The following ANKRD30A variants were observed in gnomAD, a reference collection of about 807,000 sequenced individuals.
ANKRD30A encodes ankyrin repeat domain 30A, also known as ankyrin repeat domain-containing protein 30A.
ANKRD30A carries 170 observed loss-of-function variants against 166.3 expected under a neutral mutation model. That is an observed-to-expected ratio of 1.02 (90% confidence interval 0.90 to 1.16). ANKRD30A has a LOEUF of 1.16. Among genes scored for constraint, ANKRD30A ranks in the 50% most tolerant of loss-of-function variants. The pLI, the probability that ANKRD30A is intolerant of heterozygous loss-of-function variation, is 0.00. For missense variants in ANKRD30A, 1,630 were observed against 1,518.0 expected (o/e 1.07, Z -1.23); for synonymous variants, 564 against 508.9 (o/e 1.11, Z -1.46).
At chr10:37,246,740 G>T in the ANKRD30A span, among the ~76,000 whole-genome samples, 1 of 152,290 alleles carries the variant, frequency 6.6e-6, no homozygotes, top group African/African-American at 2.4e-5. Context: ...TGGTTCTAGA[G>T]AAGGATTTTC....
At chr10:37,191,912 G>GT (rs1484610232) in intron 25 of ANKRD30A, among the ~76,000 whole-genome samples, 1 of 152,020 alleles carries the variant, frequency 6.6e-6, no homozygotes, top group Non-Finnish European at 1.5e-5. Context: ...AAAGAATGGC[G>GT]TGAACCCGCG....
chr10:37,198,833 G>A (rs1026615250), intron 29 of ANKRD30A, among the ~76,000 whole-genome samples: 4 of 152,164 alleles, frequency 2.6e-5, no homozygotes, highest in East Asian at 1.9e-4. Flanking sequence ...AGTTTTAGTT[G>A]TGCATGTTTG....
At chr10:37,137,517 C>T (rs1017076551) in intron 6 of ANKRD30A, among the ~76,000 whole-genome samples, 2 of 152,200 alleles carry the variant, frequency 1.3e-5, no homozygotes, top group African/African-American at 4.8e-5. Context: ...AATCGGGTCA[C>T]TCCCACCTTA....
chr10:37,127,479 G>A (rs1439222123), intron 1 of ANKRD30A, among the ~76,000 whole-genome samples: 1 of 152,096 alleles, frequency 6.6e-6, no homozygotes, highest in Non-Finnish European at 1.5e-5. Context: ...ATAAAGGGCA[G>A]CATACTTGTA....
intron 1 of ANKRD30A, among the ~76,000 whole-genome samples, chr10:37,127,863 TA>T (rs1370930112): frequency 6.6e-6 from 1 of 152,086 alleles, no homozygotes; most frequent in East Asian, 1.9e-4. Context: ...GTACCATATT[TA>T]AAAAATTGTA....
chr10:37,222,272 C>G (rs931728820), intron 34 of ANKRD30A, among the ~76,000 whole-genome samples: 1 of 151,314 alleles, frequency 6.6e-6, no homozygotes, highest in Admixed American at 6.6e-5. Flanking sequence ...TGTTTCTTCA[C>G]CTTCCCCAGT....
intron 9 of ANKRD30A, among the ~76,000 whole-genome samples, chr10:37,149,257 A>G (rs1837732440): frequency 6.6e-6 from 1 of 152,038 alleles, no homozygotes; most frequent in African/African-American, 2.4e-5. Flanking sequence ...CTGAACTCTC[A>G]TCATAACTAT....
chr10:37,144,066 C>T (rs539100061), intron 7 of ANKRD30A, among the ~76,000 whole-genome samples: 1 of 152,080 alleles, frequency 6.6e-6, no homozygotes, highest in East Asian at 1.9e-4. Context: ...ATTTTGATTT[C>T]TTTTACTGAA....
intron 17 of ANKRD30A, among the ~76,000 whole-genome samples, chr10:37,164,436 A>G (rs1839142970): frequency 6.6e-6 from 1 of 151,794 alleles, no homozygotes; most frequent in Admixed American, 6.6e-5. Context: ...AGGTGTCACA[A>G]GCTGACTCTG....
intron 15 of ANKRD30A, among the ~76,000 whole-genome samples, chr10:37,159,753 T>A (rs567835911): frequency 3.3e-5 from 5 of 152,276 alleles, no homozygotes; most frequent in East Asian, 1.9e-4. Flanking sequence ...TGGAGTGCCA[T>A]GGCGCGATCT....
chr10:37,211,379 T>G (rs1266731022), intron 31 of ANKRD30A, among the ~76,000 whole-genome samples: 4 of 151,740 alleles, frequency 2.6e-5, no homozygotes, highest in Non-Finnish European at 5.9e-5. Flanking sequence ...TGAGAACATG[T>G]GGTGTTTGGT....
At chr10:37,222,350 A>C (rs1842938000) in intron 34 of ANKRD30A, among the ~76,000 whole-genome samples, 1 of 151,364 alleles carries the variant, frequency 6.6e-6, no homozygotes, top group South Asian at 2.1e-4. Context: ...ATAGAAATGG[A>C]GTCATACAAT....
intron 6 of ANKRD30A, among the ~76,000 whole-genome samples, chr10:37,141,399 C>T (rs1003171841): frequency 3.3e-5 from 5 of 151,628 alleles, no homozygotes; most frequent in Admixed American, 2.0e-4. Flanking sequence ...TGGTGAAACC[C>T]GTCTCTACTA....
In ANKRD30A at chr10:37,190,142, A is replaced by T. The variant is rs181792918; in HGVS notation, c.2512+585A>T. Among the ~76,000 whole-genome samples, 172 of 152,012 alleles carry T rather than the reference A, an allele frequency of 1.1e-3. 6 individuals are homozygous for T. The highest frequency in any genetic ancestry group is 3.9e-3 in the African/African-American group (163 of 41,400). ...CATATCTGCATGGCCACACATGTAT[A>T]TAAATTGTCATATACACTCTGTATA... On this transcript the variant is annotated intron_variant, in intron 25 of 35. Transcript: ENST00000361713.
chr10:37,199,647 G>A, intron 29 of ANKRD30A, 80 bp from the exon 30 acceptor site: 2 of 918,546 alleles, frequency 2.2e-6, no homozygotes, highest in Non-Finnish European at 3.3e-6. Context: ...ATTCGTGAAT[G>A]AAAGTAGATT....
chr10:37,254,429 C>T, the ANKRD30A span, among the ~76,000 whole-genome samples: 52 of 152,242 alleles, frequency 3.4e-4, no homozygotes, highest in African/African-American at 1.1e-3. Flanking sequence ...TAAGTGATGT[C>T]TCCTTGTGGT....
rs1836424742 is a variant in ANKRD30A, at chr10:37,132,277, G to A, written c.548G>A (p.Arg183Lys). 1.2e-6 allele frequency: 2 copies of A among 1,606,246 alleles called. No homozygotes were observed. The highest frequency in any genetic ancestry group is 1.7e-6 in the Non-Finnish European group (2 of 1,176,700). The change falls in exon 4 of 36, where the codon AGA becomes AAA. Residue 183 changes from arginine (R) to lysine (K), a missense_variant. Coordinates refer to ENST00000361713, the MANE Select transcript of ANKRD30A (RefSeq NM_052997.3). ...CCACTTTTACTATCCATAACGAAAA[G>A]AAGTGAGCAAATTGTGGAATTTTTG... ...LTPLLLSITK[R>K]SEQIVEFLLI...
At chr10:37,131,851 C>T (rs1836398864) in intron 3 of ANKRD30A, among the ~76,000 whole-genome samples, 1 of 152,044 alleles carries the variant, frequency 6.6e-6, no homozygotes, top group Non-Finnish European at 1.5e-5. Context: ...GGTAATTATT[C>T]TTTGGAATAT....
chr10:37,251,114 G>A, the ANKRD30A span, among the ~76,000 whole-genome samples: 1 of 152,272 alleles, frequency 6.6e-6, no homozygotes, highest in African/African-American at 2.4e-5. Flanking sequence ...CACCTGGTAA[G>A]ATTTGCTTCT....
Sources: allele counts gnomAD v4.1 joint callset (sites outside exome capture counted in the v4.1 genomes callset), GRCh38; gene constraint gnomAD v4.1.1; transcripts MANE v1.5; gene names NCBI Gene and HGNC (gene_info 2026-07-23, HGNC 2026-07-21).